The following LBHD2 variants were observed in gnomAD, a reference collection of about 807,000 sequenced individuals.
The protein encoded by LBHD2 is LBH domain containing 2, also known as LBH domain-containing protein 2.
chr14:103,089,149 C>T (rs1034507243), intron 3 of LBHD2, among the ~76,000 whole-genome samples: 19 of 152,098 alleles, frequency 1.2e-4, no homozygotes, highest in Non-Finnish European at 2.2e-4. Context: ...TGAGGTGTGC[C>T]CTGTGCCCTG....
chr14:103,088,484 C>G (rs867626427), intron 3 of LBHD2, among the ~76,000 whole-genome samples: 8 of 152,256 alleles, frequency 5.3e-5, no homozygotes, highest in Non-Finnish European at 1.0e-4. Context: ...CACTCTCAGC[C>G]GCAGGCCTGG....
chr14:103,084,808 TC>T (rs1306236130), intron 1 of LBHD2, among the ~76,000 whole-genome samples: 1 of 152,194 alleles, frequency 6.6e-6, no homozygotes, highest in East Asian at 1.9e-4. Context: ...TCCCTCTGCC[TC>T]CTTCCCAAGG....
At chr14:103,086,697 G>T (rs1889639294) in intron 2 of LBHD2, among the ~76,000 whole-genome samples, 2 of 150,948 alleles carry the variant, frequency 1.3e-5, no homozygotes, top group South Asian at 2.1e-4. Flanking sequence ...GGATGGGGAG[G>T]TGCTGATGAA....
intron 3 of LBHD2, among the ~76,000 whole-genome samples, chr14:103,088,818 A>AC (rs1204854267): frequency 6.6e-6 from 1 of 152,096 alleles, no homozygotes; most frequent in Non-Finnish European, 1.5e-5. Context: ...ACATGGTGAA[A>AC]CCCCATCTCT....
chr14:103,089,852 G>C lies in LBHD2; in HGVS notation c.*55G>C, dbSNP rs1199668165. 9 of 398,312 alleles carry C rather than the reference G, an allele frequency of 2.3e-5. No individual in the cohort carries two copies. Among genetic ancestry groups the C allele is most frequent in the African/African-American group, 1.4e-4 (7 of 48,590 alleles). The allele number at this position is 398,312 out of a possible 1,614,324, so 24.7% of individuals were successfully genotyped here. A position where few individuals can be genotyped will look rare whatever the true frequency, so the allele number is the denominator to read the frequency against. ...GACTGCTGAGGGCCTCTGCCCCAGGGTGGCCGGGCTGATGCACAGGAGGGC... is the reference window on the plus strand; with the variant it reads ...GACTGCTGAGGGCCTCTGCCCCAGGCTGGCCGGGCTGATGCACAGGAGGGC... On this transcript the variant is annotated 3_prime_UTR_variant, in exon 4 of 4. Transcript: ENST00000634353.
intron 1 of LBHD2, 76 bp downstream of exon 1, chr14:103,084,423 A>T (rs2403124): frequency 0.71 from 107,718 of 152,094 alleles, 38,659 homozygotes; most frequent in Non-Finnish European, 0.77. Context: ...GGGGAACGGG[A>T]CGGCGTGGGT....
chr14:103,087,784 C>T (rs991953346), intron 2 of LBHD2, among the ~76,000 whole-genome samples: 3 of 152,152 alleles, frequency 2.0e-5, no homozygotes, highest in Non-Finnish European at 2.9e-5. Flanking sequence ...TTGGCCTCTC[C>T]GGCCTCAGGC....
rs988734982 is a variant in LBHD2, at chr14:103,086,020, C to A, written c.8C>A (p.Thr3Asn). The change falls in exon 2 of 4, where the codon ACC becomes AAC. Residue 3 changes from threonine to asparagine, a missense_variant. Coordinates refer to ENST00000634353, the MANE Select transcript of LBHD2 (RefSeq NM_001330236.2). The part of the protein sequence containing the change: MS[T>N]PRPAPPQPGA... ...CGCAGTGGCGGCAGCAGCATGAGCA[C>A]CCCCCGGCCTGCTCCACCACAGCCA... is the stretch of plus-strand genomic sequence containing the variant. The A allele has an allele frequency of 1.0e-5, 4 of 398,288 alleles. No homozygotes were observed. Among genetic ancestry groups the A allele is most frequent in the Middle Eastern group, 6.2e-4 (1 of 1,612 alleles). The allele number at this position is 398,288 out of a possible 1,614,324, so 24.7% of individuals were successfully genotyped here. A position where few individuals can be genotyped will look rare whatever the true frequency, so the allele number is the denominator to read the frequency against.
intron 1 of LBHD2, 85 bp from the exon 2 acceptor site, chr14:103,085,891 G>C: frequency 2.5e-6 from 1 of 397,202 alleles, no homozygotes. Flanking sequence ...CTGGGGTGGA[G>C]TGGGGTGGGC....
Position 103,089,794 on chromosome 14 carries a change from A to C in LBHD2, c.324A>C (p.Gly108=). ...AGGACCCAGCAGCCCCGGCCCGGGG[A>C]TAGGACAAGGACGTGGCTGGGCTCT... ...CSEDPAAPAR[G] Residue 108 remains glycine, a synonymous_variant, in exon 4 of 4, where the codon GGA becomes GGC. Coordinates refer to ENST00000634353, the MANE Select transcript of LBHD2 (RefSeq NM_001330236.2). 2.5e-6 allele frequency: 1 copy of C among 398,572 alleles called. No individual in the cohort carries two copies. The highest frequency in any genetic ancestry group is 4.4e-6 in the Non-Finnish European group (1 of 226,046). 24.7% of individuals were successfully genotyped at this position (398,572 alleles called of 1,614,324 possible). A position where few individuals can be genotyped will look rare whatever the true frequency, so the allele number is the denominator to read the frequency against.
chr14:103,088,391 G>C (rs1273870296), intron 3 of LBHD2, 150 bp downstream of exon 3: 1 of 397,488 alleles, frequency 2.5e-6, no homozygotes, highest in Non-Finnish European at 4.4e-6. Context: ...TGGAGTCTCT[G>C]CCTGAGACTC....
intron 2 of LBHD2, among the ~76,000 whole-genome samples, chr14:103,086,782 C>A (rs1475078161): frequency 6.6e-6 from 1 of 151,888 alleles, no homozygotes; most frequent in African/African-American, 2.4e-5. Flanking sequence ...CCAGCTAGAG[C>A]CCAGCCATTC....
chr14:103,087,335 T>C (rs1056376918), intron 2 of LBHD2, among the ~76,000 whole-genome samples: 2 of 152,178 alleles, frequency 1.3e-5, no homozygotes, highest in African/African-American at 4.8e-5. Context: ...GCCCTTGTGC[T>C]CTTTTGGGAA....
At chr14:103,085,525 G>A (rs1889621485) in intron 1 of LBHD2, among the ~76,000 whole-genome samples, 1 of 152,218 alleles carries the variant, frequency 6.6e-6, no homozygotes, top group South Asian at 2.1e-4. Flanking sequence ...CAGGGTGCAT[G>A]CTCTCGAGGA....
intron 1 of LBHD2, among the ~76,000 whole-genome samples, chr14:103,084,891 G>A (rs2139445067): frequency 6.6e-6 from 1 of 152,306 alleles, no homozygotes; most frequent in Non-Finnish European, 1.5e-5. Context: ...GGATCCAGAA[G>A]AGGCTTGATG....
rs2139446983 is a variant in LBHD2, at chr14:103,088,113, C to T, written c.98C>T (p.Pro33Leu). Reference sequence around the variant, plus strand: ...GTGGCAGGTGCCTGGGAGAAGGGCCCTCGGCTGGGCCAGCGGCTGCCCTCA... The same window carrying T: ...GTGGCAGGTGCCTGGGAGAAGGGCCTTCGGCTGGGCCAGCGGCTGCCCTCA... ...KAVAGAWEKG[P>L]RLGQRLPSIV... is the part of the protein sequence containing the mutation. The change falls in exon 3 of 4, where the codon CCT becomes CTT. Residue 33 changes from proline to leucine, a missense_variant. Transcript: ENST00000634353. The T allele has an allele frequency of 2.5e-6, 1 of 398,770 alleles. No individual in the cohort carries two copies. The highest frequency in any genetic ancestry group is 1.3e-4 in the South Asian group (1 of 7,868). 24.7% of individuals were successfully genotyped at this position (398,770 alleles called of 1,614,324 possible).
chr14:103,089,666 G>A (rs1205715070), intron 3 of LBHD2, 31 bp from the exon 4 acceptor site: 6 of 398,476 alleles, frequency 1.5e-5, no homozygotes, highest in East Asian at 1.1e-4. Flanking sequence ...TCCCCCCGCC[G>A]ACCAACACGG....
chr14:103,088,427 C>T (rs983197534), intron 3 of LBHD2, among the ~76,000 whole-genome samples, 186 bp downstream of exon 3: 2 of 152,260 alleles, frequency 1.3e-5, no homozygotes, highest in African/African-American at 4.8e-5. Context: ...CTTAACCCCC[C>T]TCCCTAGCAC....
rs1270194688 is a variant in LBHD2 at position 103,086,033 on chromosome 14, T to A, written c.21T>A (p.Ala7=). The A allele has an allele frequency of 5.0e-6, 2 of 398,482 alleles. No homozygotes were observed. Among genetic ancestry groups the A allele is most frequent in the African/African-American group, 4.1e-5 (2 of 48,602 alleles). The allele number at this position is 398,482 out of a possible 1,614,324, so 24.7% of individuals were successfully genotyped here. A position where few individuals can be genotyped will look rare whatever the true frequency, so the allele number is the denominator to read the frequency against. The change falls in exon 2 of 4, where the codon GCT becomes GCA. Residue 7 remains alanine, a synonymous_variant. Coordinates refer to ENST00000634353, the MANE Select transcript of LBHD2 (RefSeq NM_001330236.2). MSTPRP[A]PPQPGAAEGA... is the part of the protein sequence containing the mutation. ...GCAGCATGAGCACCCCCCGGCCTGCTCCACCACAGCCAGGCGCTGCTGAGG... is the reference window on the plus strand; with the variant it reads ...GCAGCATGAGCACCCCCCGGCCTGCACCACCACAGCCAGGCGCTGCTGAGG...
Sources: gnomAD v4.1 joint callset for allele counts (sites outside exome capture counted in the v4.1 genomes callset) on GRCh38, gnomAD v4.1.1 for gene constraint, MANE v1.5 for transcripts, NCBI Gene and HGNC (gene_info 2026-07-23, HGNC 2026-07-21) for gene names.